Variants in ZNF462 observed in about 807,000 individuals in gnomAD.
The protein encoded by ZNF462 is zinc finger PBX1-interacting protein.
A neutral mutation model predicts 201.9 loss-of-function variants in ZNF462; 10 were observed. That is an observed-to-expected ratio of 0.05 (90% CI 0.03 to 0.08). The LOEUF is 0.08. Ranked by LOEUF, ZNF462 falls within the 10% of genes least tolerant of loss-of-function variation. The pLI is 1.00. For missense variants in ZNF462, 2,523 were observed against 3,168.3 expected (o/e 0.80, Z 4.89); for synonymous variants, 1,227 against 1,193.3 (o/e 1.03, Z -0.58).
At chr9:106,961,814 T>A (rs780217333) in intron 7 of ZNF462, among the ~76,000 whole-genome samples, 1 of 152,024 alleles carries the variant, frequency 6.6e-6, no homozygotes, top group Non-Finnish European at 1.5e-5. Context: ...AAGGAAAATC[T>A]TCGTGGTGAT....
intron 10 of ZNF462, among the ~76,000 whole-genome samples, chr9:106,988,919 G>T (rs145108316): frequency 6.6e-6 from 1 of 152,194 alleles, no homozygotes; most frequent in South Asian, 2.1e-4. Context: ...TCCTTTATCG[G>T]TTCTAGGAGA....
Position 106,865,571 on chromosome 9 carries a change from C to G in ZNF462, c.-31+2216C>G, listed in dbSNP as rs1171495367. Among the ~76,000 whole-genome samples the G allele has an allele frequency of 1.3e-5, 2 of 152,206 alleles. No homozygotes were observed. The highest frequency in any genetic ancestry group is 4.8e-5 in the African/African-American group (2 of 41,448). ...GTTCTCCATTTCTCTTCAGGTCGTT[C>G]CATTTGTATGTTAGGCCTTCTTTCA... On this transcript the variant is annotated intron_variant, in intron 1 of 12. Coordinates refer to ENST00000277225, the MANE Select transcript of ZNF462 (RefSeq NM_021224.6). This position sits in a 1 kb window ranked among gnomAD's most constrained non-coding sequence, Gnocchi z 4.1.
At chr9:106,999,995 G>C (rs1829061941) in intron 10 of ZNF462, among the ~76,000 whole-genome samples, 1 of 152,172 alleles carries the variant, frequency 6.6e-6, no homozygotes, top group Non-Finnish European at 1.5e-5. Flanking sequence ...TGAAGGCGGG[G>C]TGCAGAATGC....
rs1349280476 is a variant in ZNF462, at chr9:106,929,310, G to T, written c.5398G>T (p.Ala1800Ser). 2 of 1,614,142 alleles carry T rather than the reference G, an allele frequency of 1.2e-6. No homozygotes were observed. Among genetic ancestry groups the T allele is most frequent in the Non-Finnish European group, 1.7e-6 (2 of 1,180,030 alleles). Residue 1800 changes from alanine to serine, a missense_variant, in exon 3 of 13, where the codon GCC (alanine) becomes TCC (serine). Ala to Ser is a moderately conservative substitution (Grantham distance 99). Transcript: ENST00000277225. This position sits in a 1 kb window ranked among gnomAD's most constrained non-coding sequence, Gnocchi z 8.7. ...HPGVFPKKQHASKLGGYFTAV... is the reference protein window; with the variant it reads ...HPGVFPKKQHSSKLGGYFTAV... ...AGGGGTGTTCCCAAAGAAGCAGCAC[G>T]CCAGCAAGTTGGGGGGCTACTTCAC...
chr9:107,003,893 C>T lies in ZNF462; in HGVS notation c.7189+467C>T, dbSNP rs951858209. Among the ~76,000 whole-genome samples the T allele has an allele frequency of 1.3e-4, 19 of 151,994 alleles. No individual in the cohort carries two copies. Among genetic ancestry groups the T allele is most frequent in the Admixed American group, 1.2e-3 (19 of 15,240 alleles). ...GCCCCTACCCCCTGATGTCCCTCTG[C>T]GTGGCCCTTTTCTTAACCCCCTTTG... On this transcript the variant is annotated intron_variant, in intron 11 of 12. Transcript: ENST00000277225. This position sits in a 1 kb window ranked among gnomAD's most constrained non-coding sequence, Gnocchi z 4.4.
intron 10 of ZNF462, among the ~76,000 whole-genome samples, chr9:106,992,404 A>T (rs1035614109): frequency 6.6e-6 from 1 of 152,110 alleles, no homozygotes; most frequent in Non-Finnish European, 1.5e-5. Flanking sequence ...TTGGAATGTA[A>T]AATACCATAG....
chr9:107,009,459 G>A lies in ZNF462; in HGVS notation c.7190-86G>A. On this transcript the variant is annotated intron_variant, in intron 11 of 12. Transcript: ENST00000277225. This position sits in a 1 kb window ranked among gnomAD's most constrained non-coding sequence, Gnocchi z 6.1. ...CACATGGCTTTATCAGTGAAGGTAG[G>A]AGAGAGGGTATCCTAATGAATGCTG... 1 of 1,556,382 alleles carries A rather than the reference G, an allele frequency of 6.4e-7. No individual in the cohort carries two copies. The highest frequency in any genetic ancestry group is 1.2e-5 in the South Asian group (1 of 84,322).
intron 10 of ZNF462, among the ~76,000 whole-genome samples, chr9:106,985,883 T>C (rs16926038): frequency 0.022 from 3,295 of 152,292 alleles, 114 homozygotes; most frequent in African/African-American, 0.075. Context: ...CCAATGTGTC[T>C]GCCCGAGAAA....
At chr9:106,994,214 C>G (rs1199273197) in intron 10 of ZNF462, among the ~76,000 whole-genome samples, 3 of 152,006 alleles carry the variant, frequency 2.0e-5, no homozygotes, top group African/African-American at 7.2e-5. Context: ...ATAAATGGAG[C>G]CTTAAGCAGT....
At position 106,974,205 on chromosome 9, in the gene ZNF462, G is replaced by T; in HGVS notation, c.6764G>T (p.Arg2255Leu). Reference sequence around the variant, plus strand: ...CCCGAGGAGGGCCCCAAAGATCTTCGCTGTCCTCTCTGCCTCTATCACACC... The same window carrying T: ...CCCGAGGAGGGCCCCAAAGATCTTCTCTGTCCTCTCTGCCTCTATCACACC... ...AVPEEGPKDL[R>L]CPLCLYHTKY... The change falls in exon 9 of 13, where the codon CGC becomes CTC. Residue 2255 changes from arginine (R) to leucine (L), a missense_variant. Coordinates refer to ENST00000277225, the MANE Select transcript of ZNF462 (RefSeq NM_021224.6). The surrounding 1 kb of genome is among the most constrained non-coding windows in gnomAD (Gnocchi z 4.0). 6.2e-7 allele frequency: 1 copy of T among 1,614,084 alleles called. No homozygotes were observed. The highest frequency in any genetic ancestry group is 1.1e-5 in the South Asian group (1 of 91,082).
In ZNF462 at chr9:106,920,378, C is replaced by G. The variant is rs1037352534; in HGVS notation, c.-30-2976C>G. On this transcript the variant is annotated intron_variant, in intron 1 of 12. Transcript: ENST00000277225. This position sits in a 1 kb window ranked among gnomAD's most constrained non-coding sequence, Gnocchi z 4.3. ...AACTTCTATTTTCTTCTTCTGTCAGCGTCTTCAGGAGAAATGTGTACACAA... is the reference window on the plus strand; with the variant it reads ...AACTTCTATTTTCTTCTTCTGTCAGGGTCTTCAGGAGAAATGTGTACACAA... Among the ~76,000 whole-genome samples the G allele has an allele frequency of 6.6e-6, 1 of 152,192 alleles. No homozygotes were observed. Among genetic ancestry groups the G allele is most frequent in the African/African-American group, 2.4e-5 (1 of 41,440 alleles).
chr9:106,893,286 A>G (rs1588011940), intron 1 of ZNF462, among the ~76,000 whole-genome samples: 1 of 152,310 alleles, frequency 6.6e-6, no homozygotes, highest in South Asian at 2.1e-4. Context: ...CCAGTACACC[A>G]TGGATGACTC....
In ZNF462 at chr9:106,933,042, T is replaced by C. The variant is rs1042864559; in HGVS notation, c.6116+493T>C. 10 of 182,358 alleles carry C rather than the reference T, an allele frequency of 5.5e-5. No individual in the cohort carries two copies. Among genetic ancestry groups the C allele is most frequent in the Non-Finnish European group, 9.3e-5 (8 of 86,296 alleles). 11.3% of individuals were successfully genotyped at this position (182,358 alleles called of 1,614,324 possible). ...AAGAGTTGCTTGACATACAGGGAGA[T>C]TGAGGAGAGGGAGCTTCCCATTACT... On this transcript the variant is annotated intron_variant, in intron 5 of 12. Transcript: ENST00000277225. The surrounding 1 kb of genome is among the most constrained non-coding windows in gnomAD (Gnocchi z 4.3).
In ZNF462 at chr9:106,926,942, G is replaced by A. The variant is rs1830218870; in HGVS notation, c.3030G>A (p.Lys1010=). The A allele has an allele frequency of 6.2e-7, 1 of 1,614,108 alleles. No homozygotes were observed. The highest frequency in any genetic ancestry group is 1.3e-5 in the African/African-American group (1 of 75,022). The change falls in exon 3 of 13, where the codon AAG becomes AAA. Residue 1010 remains lysine (K), a synonymous_variant. Transcript: ENST00000277225. This position sits in a 1 kb window ranked among gnomAD's most constrained non-coding sequence, Gnocchi z 7.9. The part of the protein sequence containing the change: ...LPATFNKNTP[K]TFTPECENQK... ...CTACGTTCAACAAAAACACTCCTAA[G>A]ACCTTTACTCCTGAATGTGAAAATC... is the stretch of plus-strand genomic sequence containing the variant.
chr9:106,959,623 G>A (rs1287352733), intron 7 of ZNF462, among the ~76,000 whole-genome samples: 1 of 152,104 alleles, frequency 6.6e-6, no homozygotes, highest in African/African-American at 2.4e-5. Flanking sequence ...CCTAGAAGGA[G>A]GCTCCTCAAC....
intron 1 of ZNF462, among the ~76,000 whole-genome samples, chr9:106,889,605 G>A (rs753860687): frequency 2.8e-4 from 42 of 152,282 alleles, no homozygotes; most frequent in East Asian, 1.9e-4. Context: ...ATGCTGGACC[G>A]TGGGCTTACT....
Position 106,870,443 on chromosome 9 carries a change from T to C in ZNF462, c.-31+7088T>C, listed in dbSNP as rs888949439. Among the ~76,000 whole-genome samples the C allele has an allele frequency of 6.6e-6, 1 of 152,212 alleles. No homozygotes were observed. The highest frequency in any genetic ancestry group is 1.5e-5 in the Non-Finnish European group (1 of 68,034). ...CCTGTCCACATCTTACCCCCAACCT[T>C]ATTCAAAGAGTAGACCCTGTTCTTT... On this transcript the variant is annotated intron_variant, in intron 1 of 12. Transcript: ENST00000277225. The surrounding 1 kb of genome is among the most constrained non-coding windows in gnomAD (Gnocchi z 4.3).
At position 106,867,946 on chromosome 9, in the gene ZNF462, A is replaced by G. The variant is rs189366460; in HGVS notation, c.-31+4591A>G. Among the ~76,000 whole-genome samples, 113 of 152,314 alleles carry G rather than the reference A, an allele frequency of 7.4e-4. 2 individuals carry two copies. The South Asian group carries it at 0.016, about 22-fold the overall frequency. ...GCTGTTTCATAATGCCGCAGTCACAAATAGGAGATACATAATGGACTCTTA... is the reference window on the plus strand; with the variant it reads ...GCTGTTTCATAATGCCGCAGTCACAGATAGGAGATACATAATGGACTCTTA... On this transcript the variant is annotated intron_variant, in intron 1 of 12. Transcript: ENST00000277225.
intron 7 of ZNF462, among the ~76,000 whole-genome samples, chr9:106,949,075 A>T (rs1378875588): frequency 6.6e-6 from 1 of 152,218 alleles, no homozygotes; most frequent in African/African-American, 2.4e-5. Flanking sequence ...AAGATTACAG[A>T]CTGCCTAGAC....
Sources: gnomAD v4.1 joint callset for allele counts (sites outside exome capture counted in the v4.1 genomes callset) on GRCh38, gnomAD v4.1.1 for gene constraint, Gnocchi (gnomAD v3.1) non-coding constraint, MANE v1.5 for transcripts, NCBI Gene and HGNC (gene_info 2026-07-23, HGNC 2026-07-21) for gene names.